The following LOC400499 variants were observed in gnomAD, a reference collection of about 807,000 sequenced individuals.
chr16:11,433,576 T>A, the LOC400499 span, among the ~76,000 whole-genome samples: 1 of 152,178 alleles, frequency 6.6e-6, no homozygotes. Context: ...GACAGGAGCA[T>A]CTTTGGTTCT....
chr16:11,415,554 C>T, the LOC400499 span, among the ~76,000 whole-genome samples: 1 of 152,236 alleles, frequency 6.6e-6, no homozygotes, highest in South Asian at 2.1e-4. Context: ...ATGCTTCCTT[C>T]CTTCCTCGTT....
chr16:11,503,245 T>A, the LOC400499 span, among the ~76,000 whole-genome samples: 2 of 152,106 alleles, frequency 1.3e-5, no homozygotes, highest in Non-Finnish European at 2.9e-5. Context: ...AAAAATTGTT[T>A]TATACAATTA....
At chr16:11,403,668 G>A in the LOC400499 span, among the ~76,000 whole-genome samples, 40 of 152,328 alleles carry the variant, frequency 2.6e-4, 1 homozygote, top group South Asian at 8.3e-3. Context: ...GCAGGCTGTG[G>A]GTCGGGCTCT....
chr16:11,447,866 G>A, the LOC400499 span: 1 of 1,470,406 alleles, frequency 6.8e-7, no homozygotes, highest in Admixed American at 2.3e-5. Flanking sequence ...TGTTCCCCCT[G>A]GGGATGCTCC....
At chr16:11,430,454 C>T in the LOC400499 span, among the ~76,000 whole-genome samples, 1 of 152,042 alleles carries the variant, frequency 6.6e-6, no homozygotes, top group Non-Finnish European at 1.5e-5. Flanking sequence ...TGCTCCATTG[C>T]ACTCCAGCCT....
At chr16:11,514,408 G>A in the LOC400499 span, 19 of 399,030 alleles carry the variant, frequency 4.8e-5, no homozygotes, top group Non-Finnish European at 4.4e-6. Flanking sequence ...TGAGTGAGGA[G>A]AGGGTCCTCA....
At chr16:11,417,595 A>G in the LOC400499 span, 3 of 395,694 alleles carry the variant, frequency 7.6e-6, no homozygotes, top group South Asian at 1.3e-4. Context: ...GGAGGAAGCC[A>G]GCTCCCCAGT....
chr16:11,385,216 G>C, the LOC400499 span: 5 of 1,232,284 alleles, frequency 4.1e-6, no homozygotes, highest in Non-Finnish European at 5.1e-6. Context: ...CTCACCTGCA[G>C]ACTGGGGTAG....
At chr16:11,393,562 G>C in the LOC400499 span, 1 of 1,232,268 alleles carries the variant, frequency 8.1e-7, no homozygotes, top group South Asian at 4.1e-5. Context: ...CCACGAAGCT[G>C]GGAGGGGGAA....
the LOC400499 span, among the ~76,000 whole-genome samples, chr16:11,398,662 C>T: frequency 1.1e-5 from 1 of 90,946 alleles, no homozygotes; most frequent in Non-Finnish European, 2.6e-5. Flanking sequence ...CACTCTGCGG[C>T]AGGATTTTTT....
the LOC400499 span, among the ~76,000 whole-genome samples, chr16:11,434,011 C>T: frequency 6.6e-6 from 1 of 152,158 alleles, no homozygotes; most frequent in Non-Finnish European, 1.5e-5. Context: ...CTCCAAGTTA[C>T]AGCCAGTTGG....
the LOC400499 span, among the ~76,000 whole-genome samples, chr16:11,502,434 T>C: frequency 2.0e-5 from 3 of 152,168 alleles, no homozygotes; most frequent in Non-Finnish European, 2.9e-5. Context: ...GAGCACCTAC[T>C]ATGTGCCTTG....
chr16:11,407,267 C>T, the LOC400499 span: 1 of 398,806 alleles, frequency 2.5e-6, no homozygotes, highest in Non-Finnish European at 4.4e-6. Flanking sequence ...CTGCCGGGTG[C>T]TGATGTGAAA....
At chr16:11,510,178 C>A in the LOC400499 span, among the ~76,000 whole-genome samples, 8 of 151,426 alleles carry the variant, frequency 5.3e-5, no homozygotes, top group South Asian at 6.3e-4. Context: ...ACCCTCGAAT[C>A]CACAGTCCAC....
chr16:11,524,948 C>T, the LOC400499 span, among the ~76,000 whole-genome samples: 17 of 152,172 alleles, frequency 1.1e-4, no homozygotes, highest in Non-Finnish European at 2.4e-4. Context: ...CGCTGCACCT[C>T]GACTGGTCAT....
chr16:11,510,937 A>G, the LOC400499 span, among the ~76,000 whole-genome samples: 165 of 151,346 alleles, frequency 1.1e-3, 2 homozygotes, highest in Non-Finnish European at 2.1e-3. Flanking sequence ...CGGGGCCAGG[A>G]TGATGTGAAC....
chr16:11,462,095 C>A, the LOC400499 span: 1 of 1,468,162 alleles, frequency 6.8e-7, no homozygotes, highest in South Asian at 1.3e-5. Context: ...GCAGAGGGGA[C>A]AGAAGGGGTC....
chr16:11,393,376 C>T, the LOC400499 span: 2 of 1,232,166 alleles, frequency 1.6e-6, no homozygotes, highest in Non-Finnish European at 2.0e-6. Flanking sequence ...GAGCTGGGAC[C>T]CAGCTGCCAC....
the LOC400499 span, chr16:11,423,959 A>C: frequency 7.5e-6 from 3 of 397,528 alleles, no homozygotes; most frequent in Non-Finnish European, 1.3e-5. Flanking sequence ...CTTCCTCTCC[A>C]GGGCTGCGCG....
Sources: gnomAD v4.1 joint callset for allele counts (sites outside exome capture counted in the v4.1 genomes callset) on GRCh38, gnomAD v4.1.1 for gene constraint, MANE v1.5 for transcripts.